DPP10: variants seen among roughly 807,000 people sequenced by gnomAD.
DPP10 encodes the protein dipeptidyl peptidase like 10.
DPP10 carries 33 observed loss-of-function variants against 120.9 expected under a neutral mutation model. The observed-to-expected ratio is 0.27, with a 90% CI of 0.21 to 0.37. The LOEUF (loss-of-function observed/expected upper bound fraction) is 0.37. DPP10 is among the 10% of genes least tolerant of loss of function. The probability of loss-of-function intolerance (pLI) is 1.00; values close to 1 mark genes in which losing one functional copy is unlikely to be tolerated. For synonymous variants in DPP10, 337 were observed against 326.1 expected (o/e 1.03, Z -0.36); for missense variants, 816 against 942.8 (o/e 0.87, Z 1.76).
At chr2:114,817,208 C>G (rs944732426) in intron 1 of DPP10, among the ~76,000 whole-genome samples, 5 of 152,036 alleles carry the variant, frequency 3.3e-5, no homozygotes, top group African/African-American at 7.2e-5. Context: ...AATGAGGCAG[C>G]CTCTGCCTTC....
chr2:115,623,647 CCAGTCTA>C (rs1287969109), intron 5 of DPP10, among the ~76,000 whole-genome samples: 1 of 152,104 alleles, frequency 6.6e-6, no homozygotes, highest in Non-Finnish European at 1.5e-5. Context: ...TGGGAGTCAT[CCAGTCTA>C]CAGTGGAGCT....
chr2:114,674,488 A>C lies in DPP10; in HGVS notation c.60+231650A>C, dbSNP rs968995068. Among the ~76,000 whole-genome samples the C allele has an allele frequency of 2.6e-5, 4 of 152,160 alleles. No homozygotes were observed. The East Asian group carries it at 7.7e-4, about 29-fold the overall frequency. ...AGAAATTGAATTCTCAAAACGAAGG[A>C]AAAAGACATTATTTCAAGGCTGTTA... On this transcript the variant is annotated intron_variant, in intron 1 of 25. Coordinates refer to ENST00000410059, the MANE Select transcript of DPP10 (RefSeq NM_020868.6).
At chr2:115,261,447 G>T (rs1040531426) in intron 1 of DPP10, among the ~76,000 whole-genome samples, 3 of 152,196 alleles carry the variant, frequency 2.0e-5, no homozygotes, top group African/African-American at 7.2e-5. Context: ...CCTTGGCATC[G>T]TGAGGAATTC....
At chr2:114,901,417 C>T (rs775499513) in intron 1 of DPP10, among the ~76,000 whole-genome samples, 4 of 152,076 alleles carry the variant, frequency 2.6e-5, no homozygotes, top group Admixed American at 6.5e-5. Context: ...AGGATGGTCT[C>T]GATCTCCTGA....
At chr2:114,646,515 G>A (rs1373908837) in intron 1 of DPP10, among the ~76,000 whole-genome samples, 1 of 152,100 alleles carries the variant, frequency 6.6e-6, no homozygotes, top group Non-Finnish European at 1.5e-5. Flanking sequence ...CCCAGTTCCT[G>A]CAATTCAGAG....
At chr2:115,815,332 A>G (rs1160375740) in intron 20 of DPP10, among the ~76,000 whole-genome samples, 1 of 152,182 alleles carries the variant, frequency 6.6e-6, no homozygotes, top group African/African-American at 2.4e-5. Flanking sequence ...TACCATTATC[A>G]CACTGGCATG....
chr2:114,701,453 A>C (rs1244363952), intron 1 of DPP10, among the ~76,000 whole-genome samples: 1 of 152,154 alleles, frequency 6.6e-6, no homozygotes, highest in Admixed American at 6.6e-5. Context: ...TTATGCTTTA[A>C]GGTGCTCTGT....
At chr2:114,522,547 A>G (rs1242282431) in intron 1 of DPP10, among the ~76,000 whole-genome samples, 1 of 152,178 alleles carries the variant, frequency 6.6e-6, no homozygotes, top group Non-Finnish European at 1.5e-5. Flanking sequence ...AATATTACAA[A>G]TGTATTACTG....
intron 3 of DPP10, among the ~76,000 whole-genome samples, chr2:115,435,965 A>C (rs1198305216): frequency 2.6e-5 from 4 of 151,790 alleles, no homozygotes; most frequent in African/African-American, 7.2e-5. Context: ...TTTCCAATGC[A>C]TGTTCTTGGC....
In DPP10 at chr2:115,291,882, A is replaced by G. The variant is rs575937885; in HGVS notation, c.61-17357A>G. On this transcript the variant is annotated intron_variant, in intron 1 of 25. Coordinates refer to ENST00000410059, the MANE Select transcript of DPP10 (RefSeq NM_020868.6). ...CACGTGCTCCCTAAAAATCTATTAC[A>G]TGGTTTAGACTATGTTTTCCCAAGC... Among the ~76,000 whole-genome samples the G allele has an allele frequency of 2.0e-5, 3 of 152,218 alleles. No individual in the cohort carries two copies. In the East Asian group the frequency reaches 5.8e-4, roughly 29 times the overall value.
chr2:115,805,575 ATTTT>A (rs34290717), intron 19 of DPP10, among the ~76,000 whole-genome samples: 1 of 134,290 alleles, frequency 7.4e-6, no homozygotes, highest in African/African-American at 2.8e-5. Flanking sequence ...CTTGGCTCCC[ATTTT>A]TTTTTTTTTT....
intron 1 of DPP10, among the ~76,000 whole-genome samples, chr2:114,985,386 T>C (rs1241563101): frequency 6.6e-6 from 1 of 152,218 alleles, no homozygotes; most frequent in Non-Finnish European, 1.5e-5. Flanking sequence ...TTTATTTTCT[T>C]CACAGCAGTT....
At chr2:115,838,465 A>G (rs1235202862) in intron 24 of DPP10, among the ~76,000 whole-genome samples, 1 of 152,200 alleles carries the variant, frequency 6.6e-6, no homozygotes, top group Non-Finnish European at 1.5e-5. Context: ...AACTTCCTTA[A>G]AAGAGTAGAC....
At chr2:114,884,862 T>C (rs1471898210) in intron 1 of DPP10, among the ~76,000 whole-genome samples, 2 of 152,170 alleles carry the variant, frequency 1.3e-5, no homozygotes, top group African/African-American at 4.8e-5. Flanking sequence ...CGGTCTCCAA[T>C]ACAAGTTGGA....
intron 17 of DPP10, among the ~76,000 whole-genome samples, chr2:115,787,752 C>G (rs981328989): frequency 7.2e-5 from 11 of 152,044 alleles, no homozygotes; most frequent in Admixed American, 7.2e-4. Context: ...GTCAATAAAA[C>G]CACACTAGCG....
At chr2:115,491,351 A>AT (rs2076110030) in intron 3 of DPP10, among the ~76,000 whole-genome samples, 1 of 152,136 alleles carries the variant, frequency 6.6e-6, no homozygotes, top group African/African-American at 2.4e-5. Flanking sequence ...AGAGGAAAGA[A>AT]ACACGAAACA....
chr2:115,469,095 T>C (rs751024989), intron 3 of DPP10, among the ~76,000 whole-genome samples: 1 of 152,068 alleles, frequency 6.6e-6, no homozygotes, highest in Non-Finnish European at 1.5e-5. Context: ...CCGGCTAATT[T>C]TTTGTGTCTT....
At chr2:115,149,045 C>T (rs2051388180) in intron 1 of DPP10, among the ~76,000 whole-genome samples, 1 of 152,076 alleles carries the variant, frequency 6.6e-6, no homozygotes, top group African/African-American at 2.4e-5. Flanking sequence ...AAATATGGGC[C>T]ACTTGTGGAT....
At chr2:115,694,316 A>G (rs2091470641) in intron 7 of DPP10, among the ~76,000 whole-genome samples, 1 of 152,168 alleles carries the variant, frequency 6.6e-6, no homozygotes, top group Non-Finnish European at 1.5e-5. Flanking sequence ...TTTACTAACT[A>G]AGGATAATTA....
Sources: gnomAD v4.1 joint callset for allele counts (sites outside exome capture counted in the v4.1 genomes callset) on GRCh38, gnomAD v4.1.1 for gene constraint, MANE v1.5 for transcripts, NCBI Gene and HGNC (gene_info 2026-07-23, HGNC 2026-07-21) for gene names.